TTC23: variants seen among roughly 807,000 people sequenced by gnomAD.
TTC23 encodes tetratricopeptide repeat domain 23.
A neutral mutation model predicts 55.1 loss-of-function variants in TTC23; 58 were observed. The ratio of observed to expected loss-of-function variants is 1.05; its 90% CI spans 0.85 to 1.31. TTC23 has a LOEUF of 1.31. Ranked by LOEUF, TTC23 falls within the 50% of genes most tolerant of loss-of-function variation. The pLI is 0.00. For missense variants in TTC23, 516 were observed against 534.4 expected, an observed-to-expected ratio of 0.97 and a Z score of 0.34; for synonymous variants, 203 against 199.9, an observed-to-expected ratio of 1.02 and a Z score of -0.13.
chr15:99,147,598 A>C (rs1555494604), intron 12 of TTC23, among the ~76,000 whole-genome samples: 1 of 152,184 alleles, frequency 6.6e-6, no homozygotes, highest in African/African-American at 2.4e-5. Context: ...ATTCTCATAT[A>C]AACTGATTTA....
chr15:99,160,171 A>G (rs1055530498), intron 11 of TTC23: 6 of 151,986 alleles, frequency 3.9e-5, no homozygotes, highest in Non-Finnish European at 8.8e-5. Context: ...TGGCCTGAGA[A>G]ACATAGGTAT....
At chr15:99,243,470 C>T (rs1381786704) in intron 2 of TTC23, among the ~76,000 whole-genome samples, 1 of 152,100 alleles carries the variant, frequency 6.6e-6, no homozygotes, top group African/African-American at 2.4e-5. Context: ...GAAGAACTAC[C>T]ATATGATCCA....
chr15:99,213,455 C>T (rs541221191), intron 8 of TTC23, among the ~76,000 whole-genome samples: 41 of 152,344 alleles, frequency 2.7e-4, no homozygotes, highest in African/African-American at 9.4e-4. Context: ...GGATCATTTA[C>T]TCTTTTTTAT....
intron 8 of TTC23, among the ~76,000 whole-genome samples, chr15:99,211,922 G>A (rs556657012): frequency 4.8e-4 from 73 of 152,140 alleles, no homozygotes; most frequent in Admixed American, 2.1e-3. Context: ...CTTGAACTCC[G>A]GGCCTCAAGC....
chr15:99,187,861 G>A (rs954689172), intron 9 of TTC23, among the ~76,000 whole-genome samples: 1 of 151,972 alleles, frequency 6.6e-6, no homozygotes, highest in Admixed American at 6.5e-5. Context: ...GTGAGGATGT[G>A]GAGATATTGG....
chr15:99,249,126 G>C (rs1228056957), intron 1 of TTC23, 45 bp downstream of exon 1: 1 of 152,114 alleles, frequency 6.6e-6, no homozygotes, highest in Non-Finnish European at 1.5e-5. Flanking sequence ...GTTTCTTAAA[G>C]TAGAAAATGA....
intron 8 of TTC23, among the ~76,000 whole-genome samples, chr15:99,212,643 G>A (rs547624539): frequency 1.3e-5 from 2 of 152,212 alleles, no homozygotes; most frequent in African/African-American, 4.8e-5. Context: ...GGGCTGTTGC[G>A]ATGGGCACCA....
intron 6 of TTC23, among the ~76,000 whole-genome samples, chr15:99,219,802 T>C (rs1051450206): frequency 6.6e-6 from 1 of 152,146 alleles, no homozygotes; most frequent in Non-Finnish European, 1.5e-5. Context: ...TCCACTCACA[T>C]ACACACAGCC....
intron 4 of TTC23, among the ~76,000 whole-genome samples, chr15:99,232,845 T>C (rs973441788): frequency 6.6e-6 from 1 of 152,338 alleles, no homozygotes; most frequent in Non-Finnish European, 1.5e-5. Flanking sequence ...TCCATGTTCA[T>C]TGCAGCATTA....
chr15:99,197,897 C>T (rs1023664910), intron 9 of TTC23, among the ~76,000 whole-genome samples: 18 of 150,282 alleles, frequency 1.2e-4, no homozygotes, highest in Non-Finnish European at 1.9e-4. Flanking sequence ...AGCAAGACTC[C>T]GCTCAAACAA....
chr15:99,200,942 C>G (rs1567467772), intron 8 of TTC23, among the ~76,000 whole-genome samples: 1 of 152,162 alleles, frequency 6.6e-6, no homozygotes, highest in East Asian at 1.9e-4. Context: ...TTTACCCATT[C>G]TATATACTTC....
intron 4 of TTC23, among the ~76,000 whole-genome samples, chr15:99,233,020 G>GTT (rs1275387625): frequency 1.3e-5 from 2 of 152,176 alleles, no homozygotes; most frequent in African/African-American, 4.8e-5. Context: ...TATGTTAAGT[G>GTT]AAATAGCCAG....
intron 10 of TTC23, among the ~76,000 whole-genome samples, chr15:99,164,370 A>T (rs751408853): frequency 1.3e-5 from 2 of 152,228 alleles, no homozygotes; most frequent in Non-Finnish European, 2.9e-5. Context: ...GCCCATGTGC[A>T]TAAGTTTGCT....
rs560844928 is a variant in TTC23 at position 99,228,420 on chromosome 15, T to C, written c.180+113A>G. ...AACAAAGGCACTGTCTTATATACTT[T>C]CTTGTATCAAACTGCTGAGATTAGG... is the stretch of plus-strand genomic sequence containing the variant. On this transcript the variant is annotated intron_variant, in intron 5 of 13. Coordinates refer to ENST00000394132, the MANE Select transcript of TTC23 (RefSeq NM_001288615.3). 5.2e-6 allele frequency: 5 copies of C among 969,388 alleles called. No homozygotes were observed. The East Asian group carries it at 8.0e-5, about 16-fold the overall frequency. 60.0% of individuals were successfully genotyped at this position (969,388 alleles called of 1,614,324 possible).
chr15:99,154,857 T>C (rs1555498451), intron 12 of TTC23, among the ~76,000 whole-genome samples: 1 of 152,156 alleles, frequency 6.6e-6, no homozygotes, highest in African/African-American at 2.4e-5. Flanking sequence ...ATCTATTAAA[T>C]AAAGAATCAC....
At chr15:99,139,588 TG>T in intron 12 of TTC23, 189 bp from the exon 13 acceptor site, 1 of 1,537,254 alleles carries the variant, frequency 6.5e-7, no homozygotes, top group Middle Eastern at 1.7e-4. Context: ...TAGGCAAAAG[TG>T]AACAGTTTTA....
intron 12 of TTC23, among the ~76,000 whole-genome samples, chr15:99,143,310 C>T (rs1555491362): frequency 6.6e-6 from 1 of 152,214 alleles, no homozygotes; most frequent in Non-Finnish European, 1.5e-5. Context: ...GCTAAATTTA[C>T]TTAAGCATTT....
At chr15:99,176,381 G>T (rs1274074203) in intron 9 of TTC23, among the ~76,000 whole-genome samples, 2 of 152,144 alleles carry the variant, frequency 1.3e-5, no homozygotes, top group Non-Finnish European at 2.9e-5. Flanking sequence ...GGGGACTGAG[G>T]CTGGAGATTG....
chr15:99,167,532 T>C (rs1237559387), intron 10 of TTC23, among the ~76,000 whole-genome samples: 1 of 151,008 alleles, frequency 6.6e-6, no homozygotes, highest in African/African-American at 2.4e-5. Context: ...GTGAGCAGGG[T>C]GGTTTGATGT....
Sources: gnomAD v4.1 joint callset for allele counts (sites outside exome capture counted in the v4.1 genomes callset) on GRCh38, gnomAD v4.1.1 for gene constraint, MANE v1.5 for transcripts, NCBI Gene and HGNC (gene_info 2026-07-23, HGNC 2026-07-21) for gene names.